SNCAIP: variants seen among roughly 807,000 people sequenced by gnomAD.
SNCAIP encodes synphilin-1.
SNCAIP carries 43 observed loss-of-function variants against 86.7 expected under a neutral mutation model. That is an observed-to-expected ratio of 0.50 (90% CI 0.39 to 0.64). The LOEUF (loss-of-function observed/expected upper bound fraction) is 0.64. Ranked by LOEUF, SNCAIP falls within the 30% of genes least tolerant of loss-of-function variation. SNCAIP has a pLI of 0.00. For synonymous variants in SNCAIP, 417 were observed against 427.2 expected (o/e 0.98, Z 0.29); for missense variants, 981 against 1,103.1 (o/e 0.89, Z 1.57).
chr5:122,361,259 T>G (rs536930509), intron 1 of SNCAIP, among the ~76,000 whole-genome samples: 15 of 152,122 alleles, frequency 9.9e-5, no homozygotes, highest in Non-Finnish European at 1.6e-4. Context: ...ATCATACTCT[T>G]ATGAAGTATC....
chr5:122,396,927 A>G (rs1190449542), intron 2 of SNCAIP, among the ~76,000 whole-genome samples: 1 of 152,092 alleles, frequency 6.6e-6, no homozygotes, highest in Non-Finnish European at 1.5e-5. Context: ...TATAATTATG[A>G]TTACTTTGGC....
At chr5:122,419,738 C>G (rs1029534384) in intron 3 of SNCAIP, among the ~76,000 whole-genome samples, 3 of 152,056 alleles carry the variant, frequency 2.0e-5, no homozygotes, top group Non-Finnish European at 4.4e-5. Flanking sequence ...AATTTAGCCT[C>G]AAAATTTTTC....
intron 6 of SNCAIP, among the ~76,000 whole-genome samples, chr5:122,437,998 A>C (rs1181747404): frequency 6.6e-6 from 1 of 152,182 alleles, no homozygotes; most frequent in African/African-American, 2.4e-5. Context: ...TGTATGTGGA[A>C]TAGACATACC....
At chr5:122,454,361 T>G (rs551878173) in intron 10 of SNCAIP, 2 of 152,796 alleles carry the variant, frequency 1.3e-5, no homozygotes, top group African/African-American at 4.8e-5. Flanking sequence ...TAATTCAGTA[T>G]GTTAAAGGAA....
At chr5:122,453,008 A>G in intron 10 of SNCAIP, 1 of 1,519,344 alleles carries the variant, frequency 6.6e-7, no homozygotes, top group Non-Finnish European at 8.9e-7. Flanking sequence ...ACGTGGTGCT[A>G]GGAGATATGC....
chr5:122,442,592 AT>A lies in SNCAIP; in HGVS notation c.1422+1845del, dbSNP rs544966750. Among the ~76,000 whole-genome samples, 539 of 152,276 alleles carry A rather than the reference AT, an allele frequency of 3.5e-3. 2 individuals carry two copies. Among genetic ancestry groups the A allele is most frequent in the Non-Finnish European group, 4.8e-3 (328 of 68,000 alleles). Reference sequence around the variant, plus strand: ...TCTGCAGAAATATTAAAGGAGTAGCATTTTTTTGTAAAGGAAATATGATTGA... The same window carrying A: ...TCTGCAGAAATATTAAAGGAGTAGCATTTTTTGTAAAGGAAATATGATTGA... On this transcript the variant is annotated intron_variant, in intron 7 of 10. Transcript: ENST00000261368.
chr5:122,428,286 T>A (rs1777739497), intron 5 of SNCAIP, among the ~76,000 whole-genome samples: 1 of 152,168 alleles, frequency 6.6e-6, no homozygotes, highest in Non-Finnish European at 1.5e-5. Flanking sequence ...GCCCATAGAC[T>A]TTGGCAGGCA....
intron 1 of SNCAIP, among the ~76,000 whole-genome samples, chr5:122,365,189 G>A (rs1423772120): frequency 6.6e-6 from 1 of 151,698 alleles, no homozygotes; most frequent in East Asian, 1.9e-4. Flanking sequence ...TTCCCTGTCT[G>A]GACTCTTTGG....
At chr5:122,400,795 C>T (rs887024058) in intron 2 of SNCAIP, among the ~76,000 whole-genome samples, 1 of 152,166 alleles carries the variant, frequency 6.6e-6, no homozygotes, top group Admixed American at 6.5e-5. Context: ...GCTGGTCAAC[C>T]TTTGGCAGAG....
rs1043621918 is a variant in SNCAIP, at chr5:122,416,160, T to G, written c.131-6708T>G. Among the ~76,000 whole-genome samples, 4 of 152,118 alleles carry G rather than the reference T, an allele frequency of 2.6e-5. 1 individual carries two copies. The highest frequency in any genetic ancestry group is 7.2e-5 in the African/African-American group (3 of 41,420). ...ATGAGTTGTCACTAAAACAAAGAAA[T>G]GGGTGCAAATAGGGTGCAAAGTTAT... On this transcript the variant is annotated intron_variant, in intron 3 of 10. Coordinates refer to ENST00000261368, the MANE Select transcript of SNCAIP (RefSeq NM_005460.4).
intron 3 of SNCAIP, among the ~76,000 whole-genome samples, chr5:122,419,006 G>T (rs1041617810): frequency 6.6e-6 from 1 of 152,156 alleles, no homozygotes; most frequent in East Asian, 1.9e-4. Flanking sequence ...TGAGGATAAG[G>T]ACACAGCAGG....
intron 1 of SNCAIP, among the ~76,000 whole-genome samples, chr5:122,317,808 A>G (rs1220780555): frequency 6.6e-6 from 1 of 152,136 alleles, no homozygotes; most frequent in African/African-American, 2.4e-5. Flanking sequence ...CCTCCAAGCC[A>G]GAGACCTGGG....
At chr5:122,456,018 C>A (rs887091480) in intron 10 of SNCAIP, among the ~76,000 whole-genome samples, 1 of 152,122 alleles carries the variant, frequency 6.6e-6, no homozygotes, top group African/African-American at 2.4e-5. Flanking sequence ...ATTCATTTCC[C>A]AGAGTTTAAG....
chr5:122,360,279 TATAGTGGCACCAATGGA>T (rs1459760134), intron 1 of SNCAIP, among the ~76,000 whole-genome samples: 1 of 152,196 alleles, frequency 6.6e-6, no homozygotes, highest in African/African-American at 2.4e-5. Context: ...TTCAGATGTC[TATAGTGGCACCAATGGA>T]ATAGAATGCC....
At chr5:122,436,859 A>G (rs1779602941) in intron 6 of SNCAIP, 1 of 152,218 alleles carries the variant, frequency 6.6e-6, no homozygotes, top group African/African-American at 2.4e-5. Context: ...CATAAAATAC[A>G]ACATTAAAAC....
At chr5:122,370,629 C>A (rs566343480) in intron 1 of SNCAIP, among the ~76,000 whole-genome samples, 4 of 152,162 alleles carry the variant, frequency 2.6e-5, no homozygotes, top group African/African-American at 9.6e-5. Flanking sequence ...ATCAGTCAAG[C>A]AAATATTCAC....
At chr5:122,387,415 G>A (rs1034160452) in intron 1 of SNCAIP, among the ~76,000 whole-genome samples, 1 of 152,178 alleles carries the variant, frequency 6.6e-6, no homozygotes, top group Non-Finnish European at 1.5e-5. Flanking sequence ...GCCTCCCAAA[G>A]TGCTGGGATT....
intron 1 of SNCAIP, among the ~76,000 whole-genome samples, chr5:122,381,681 G>C (rs1266678377): frequency 1.3e-5 from 2 of 151,676 alleles, no homozygotes; most frequent in Non-Finnish European, 2.9e-5. Context: ...AGCTGGTACC[G>C]GTTGTTCCTT....
At chr5:122,406,784 A>T (rs540169689) in intron 3 of SNCAIP, among the ~76,000 whole-genome samples, 2 of 152,242 alleles carry the variant, frequency 1.3e-5, no homozygotes, top group Non-Finnish European at 2.9e-5. Context: ...AGCCTGCAGA[A>T]TCATGAGCCA....
Sources: gnomAD v4.1 joint callset for allele counts (sites outside exome capture counted in the v4.1 genomes callset) on GRCh38, gnomAD v4.1.1 for gene constraint, MANE v1.5 for transcripts, NCBI Gene and HGNC (gene_info 2026-07-23, HGNC 2026-07-21) for gene names.